The following TTC6 variants were observed in gnomAD, a reference collection of about 807,000 sequenced individuals.
TTC6 encodes tetratricopeptide repeat protein 6.
TTC6 carries 172 observed loss-of-function variants against 210.4 expected under a neutral mutation model. The observed-to-expected ratio is 0.82, with a 90% CI of 0.72 to 0.93. The LOEUF is 0.93. Among genes scored for constraint, TTC6 ranks in the 40% least tolerant of loss-of-function variants. The pLI is 0.00. For missense variants in TTC6, 2,414 were observed against 2,318.1 expected (o/e 1.04, Z -0.85); for synonymous variants, 804 against 819.6 (o/e 0.98, Z 0.32).
At chr14:37,812,937 C>T (rs749466438) in intron 25 of TTC6, among the ~76,000 whole-genome samples, 20 of 152,032 alleles carry the variant, frequency 1.3e-4, no homozygotes, top group Non-Finnish European at 2.1e-4. Flanking sequence ...TCAAAAGAAA[C>T]GGGTAGTTTA....
intron 14 of TTC6, among the ~76,000 whole-genome samples, chr14:37,763,551 T>G (rs376312943): frequency 2.6e-5 from 4 of 152,174 alleles, no homozygotes; most frequent in African/African-American, 9.6e-5. Flanking sequence ...TTTCTAGGAA[T>G]TTCGTCATTT....
chr14:37,807,010 A>G (rs1034606384), intron 22 of TTC6, among the ~76,000 whole-genome samples: 3 of 152,076 alleles, frequency 2.0e-5, no homozygotes, highest in Non-Finnish European at 4.4e-5. Context: ...TTTTCACAGG[A>G]GATGCATACT....
At chr14:37,778,160 G>A (rs905312505) in intron 14 of TTC6, among the ~76,000 whole-genome samples, 13 of 151,978 alleles carry the variant, frequency 8.6e-5, no homozygotes, top group Admixed American at 6.5e-4. Context: ...GTGCTGGTGG[G>A]CATAGGGATG....
At chr14:37,790,426 T>G (rs1234474650) in intron 15 of TTC6, among the ~76,000 whole-genome samples, 4 of 152,192 alleles carry the variant, frequency 2.6e-5, no homozygotes, top group African/African-American at 9.6e-5. Context: ...CCCTTTGGAC[T>G]TTAATCTCCT....
chr14:37,665,994 T>C (rs898396121), intron 1 of TTC6, among the ~76,000 whole-genome samples: 10 of 150,734 alleles, frequency 6.6e-5, no homozygotes, highest in Non-Finnish European at 1.3e-4. Context: ...GGGAGCTAAA[T>C]GAATATAGGA....
chr14:37,820,867 TTCCTCCTTCTCCTCCTCCTTC>T (rs1276833755), intron 26 of TTC6, among the ~76,000 whole-genome samples: 2 of 149,686 alleles, frequency 1.3e-5, no homozygotes, highest in Admixed American at 6.7e-5. Flanking sequence ...CTTCTTCTTC[TTCCTCCTTCTCCTCCTCCTTC>T]TCCTCCTTCT....
intron 20 of TTC6, among the ~76,000 whole-genome samples, chr14:37,800,366 TTC>T: frequency 6.6e-6 from 1 of 152,328 alleles, no homozygotes; most frequent in South Asian, 2.1e-4. Context: ...GCTGCCAGCT[TTC>T]TTTTTGCTTC....
chr14:37,628,280 T>C (rs2095663816), intron 1 of TTC6, among the ~76,000 whole-genome samples: 2 of 152,202 alleles, frequency 1.3e-5, no homozygotes. Flanking sequence ...GCCTGTTTCC[T>C]GACTTTTTAA....
intron 1 of TTC6, among the ~76,000 whole-genome samples, chr14:37,638,583 A>G (rs933486256): frequency 2.8e-5 from 4 of 145,054 alleles, no homozygotes; most frequent in Admixed American, 2.7e-4. Flanking sequence ...TGACAAAATT[A>G]CAGGAATGGA....
intron 15 of TTC6, among the ~76,000 whole-genome samples, chr14:37,789,793 T>C (rs2096075451): frequency 6.6e-6 from 1 of 151,996 alleles, no homozygotes; most frequent in South Asian, 2.1e-4. Context: ...GGTGCATGAC[T>C]GTACTTCCTT....
intron 14 of TTC6, among the ~76,000 whole-genome samples, chr14:37,758,614 A>G (rs2095974835): frequency 6.6e-6 from 1 of 152,178 alleles, no homozygotes; most frequent in Non-Finnish European, 1.5e-5. Context: ...AATGTAGCAC[A>G]CCGATGGGTC....
intron 1 of TTC6, among the ~76,000 whole-genome samples, chr14:37,668,815 G>A (rs2095753079): frequency 6.6e-6 from 1 of 152,162 alleles, no homozygotes; most frequent in South Asian, 2.1e-4. Flanking sequence ...AACATACCAT[G>A]TCTGTTTATG....
chr14:37,659,499 T>C (rs1278457712), intron 1 of TTC6, among the ~76,000 whole-genome samples: 2 of 150,942 alleles, frequency 1.3e-5, no homozygotes, highest in African/African-American at 2.4e-5. Flanking sequence ...TGAGATGGTA[T>C]CTCGTTGTCG....
intron 14 of TTC6, among the ~76,000 whole-genome samples, chr14:37,755,994 G>A (rs896105127): frequency 6.6e-6 from 1 of 152,150 alleles, no homozygotes; most frequent in African/African-American, 2.4e-5. Flanking sequence ...AGCATGGAAT[G>A]TTTTGCCATT....
At chr14:37,790,982 C>A in intron 16 of TTC6, 145 bp downstream of exon 18, 1 of 693,930 alleles carries the variant, frequency 1.4e-6, no homozygotes, top group Non-Finnish European at 2.3e-6. Flanking sequence ...TAGAATACTA[C>A]TTCTAAAAAC....
chr14:37,778,023 C>G (rs571408744), intron 14 of TTC6, among the ~76,000 whole-genome samples: 12 of 152,236 alleles, frequency 7.9e-5, no homozygotes, highest in African/African-American at 2.9e-4. Flanking sequence ...CCACTGGCTA[C>G]AACACTTTGA....
chr14:37,601,469 C>T (rs913669944), intron 1 of TTC6, among the ~76,000 whole-genome samples: 6 of 152,114 alleles, frequency 3.9e-5, no homozygotes, highest in Non-Finnish European at 7.4e-5. Context: ...GGGAAGAATT[C>T]CTGAGTCTAG....
chr14:37,619,227 G>A (rs2095647412), upstream of TTC6, among the ~76,000 whole-genome samples: 1 of 152,124 alleles, frequency 6.6e-6, no homozygotes, highest in Admixed American at 6.6e-5. Context: ...ATTGTCCAAG[G>A]TCTAGTCAGT....
At chr14:37,794,341 C>A (rs1052200581) in intron 17 of TTC6, among the ~76,000 whole-genome samples, 3 of 152,100 alleles carry the variant, frequency 2.0e-5, no homozygotes, top group Non-Finnish European at 4.4e-5. Flanking sequence ...ACATTTATAC[C>A]ATCTCTACAG....
Sources: allele counts gnomAD v4.1 joint callset (sites outside exome capture counted in the v4.1 genomes callset), GRCh38; gene constraint gnomAD v4.1.1; transcripts MANE v1.5; gene names NCBI Gene and HGNC (gene_info 2026-07-23, HGNC 2026-07-21).